The following RNASET2 variants were observed in gnomAD, a reference collection of about 807,000 sequenced individuals.
RNASET2 encodes the protein ribonuclease T2.
RNASET2 carries 28 observed loss-of-function variants against 33.9 expected under a neutral mutation model. The observed-to-expected ratio is 0.83, with a 90% CI of 0.61 to 1.13. RNASET2 has a LOEUF of 1.13. Among genes scored for constraint, RNASET2 ranks in the 50% most tolerant of loss-of-function variants. RNASET2 has a pLI of 0.00. For missense variants in RNASET2, 330 were observed against 319.9 expected, an observed-to-expected ratio of 1.03 and a Z score of -0.24; for synonymous variants, 123 against 121.0, an observed-to-expected ratio of 1.02 and a Z score of -0.11.
In RNASET2 at chr6:166,933,657, C is replaced by T. The variant is rs796169222; in HGVS notation, c.492+434G>A. 11 of 187,852 alleles carry T rather than the reference C, an allele frequency of 5.9e-5. 1 individual carries two copies. The South Asian group carries it at 1.1e-3, about 19-fold the overall frequency. The allele number at this position is 187,852 out of a possible 1,614,324, so 11.6% of individuals were successfully genotyped here. On this transcript the variant is annotated intron_variant, in intron 7 of 8. Transcript: ENST00000508775. This position sits in a 1 kb window ranked among gnomAD's most constrained non-coding sequence, Gnocchi z 4.1. ...GTGAGTCACCACACCTGGCAAAAAG[C>T]AACTTTTTGTATATGCTTACCAGCT...
In RNASET2 at chr6:166,923,858, T is replaced by C. The variant is rs1778268332; in HGVS notation, c.*5730A>G. On this transcript the variant is annotated 3_prime_UTR_variant, in exon 9 of 9. Transcript: ENST00000508775. Reference sequence around the variant, plus strand: ...CTAGAGCTTGTGAGGAAAAGTAGTATTTTAACTTCTGAGTCTTTTCCAGCC... The same window carrying C: ...CTAGAGCTTGTGAGGAAAAGTAGTACTTTAACTTCTGAGTCTTTTCCAGCC... 6.6e-6 allele frequency among the ~76,000 whole-genome samples: 1 copy of C among 152,244 alleles called. No individual in the cohort carries two copies. The highest frequency in any genetic ancestry group is 1.5e-5 in the Non-Finnish European group (1 of 68,036).
At chr6:166,939,330 CA>C (rs899646315) in intron 5 of RNASET2, among the ~76,000 whole-genome samples, 4 of 150,596 alleles carry the variant, frequency 2.7e-5, no homozygotes, top group African/African-American at 7.3e-5. Context: ...AACTCCATCT[CA>C]AAAAAAAAGT....
At chr6:166,940,880 A>G (rs3798303) in intron 5 of RNASET2, among the ~76,000 whole-genome samples, 26,649 of 151,658 alleles carry the variant, frequency 0.18, 2,906 homozygotes, top group East Asian at 0.41. Flanking sequence ...TCACCCACCC[A>G]CTGTCACCCA....
intron 2 of RNASET2, 72 bp downstream of exon 2, chr6:166,952,416 G>A (rs996888077): frequency 2.5e-5 from 34 of 1,345,172 alleles, no homozygotes; most frequent in African/African-American, 4.3e-5. Context: ...TGCCCTGGAC[G>A]GGCACGTGCA....
chr6:166,926,457 C>G lies in RNASET2; in HGVS notation c.*3131G>C, dbSNP rs1257748012. ...GCTGAGGCAGAAGAATTGCTTGAACCCAGGAGACAGAGGTTGCAGTGAGCC... is the reference window on the plus strand; with the variant it reads ...GCTGAGGCAGAAGAATTGCTTGAACGCAGGAGACAGAGGTTGCAGTGAGCC... On this transcript the variant is annotated 3_prime_UTR_variant, in exon 9 of 9. Coordinates refer to ENST00000508775, the MANE Select transcript of RNASET2 (RefSeq NM_003730.6). Among the ~76,000 whole-genome samples the G allele has an allele frequency of 1.3e-5, 2 of 151,208 alleles. No individual in the cohort carries two copies. The highest frequency in any genetic ancestry group is 2.9e-5 in the Non-Finnish European group (2 of 67,858).
rs1177878994 is a variant in RNASET2 at position 166,924,627 on chromosome 6, A to G, written c.*4961T>C. 6.6e-6 allele frequency among the ~76,000 whole-genome samples: 1 copy of G among 151,012 alleles called. No individual in the cohort carries two copies. The highest frequency in any genetic ancestry group is 2.0e-4 in the East Asian group (1 of 5,126). ...TTCCCTGGCCGCCTTCATAACTCTG[A>G]CCTCCTCCCTCCCTCCAACCTACCA... On this transcript the variant is annotated 3_prime_UTR_variant, in exon 9 of 9. Coordinates refer to ENST00000508775, the MANE Select transcript of RNASET2 (RefSeq NM_003730.6).
chr6:166,949,998 G>A (rs1462016510), intron 2 of RNASET2, among the ~76,000 whole-genome samples: 1 of 152,190 alleles, frequency 6.6e-6, no homozygotes, highest in Non-Finnish European at 1.5e-5. Context: ...TCCTTAACAA[G>A]GACATTTTGC....
chr6:166,939,741 A>G (rs962706022), intron 5 of RNASET2, among the ~76,000 whole-genome samples: 1 of 152,210 alleles, frequency 6.6e-6, no homozygotes, highest in African/African-American at 2.4e-5. Context: ...CCCATTTTCC[A>G]TTTCAGCTTC....
intron 1 of RNASET2, chr6:166,955,721 G>A: frequency 8.8e-7 from 1 of 1,134,274 alleles, no homozygotes; most frequent in Non-Finnish European, 1.1e-6. Flanking sequence ...CCCGGGGAGT[G>A]TTCAGGGCTC....
intron 3 of RNASET2, 188 bp downstream of exon 3, chr6:166,948,382 A>G (rs1474468489): frequency 1.5e-6 from 1 of 681,780 alleles, no homozygotes; most frequent in Admixed American, 2.2e-5. Context: ...TTCTATGAAG[A>G]CAGAATTAAA....
chr6:166,929,589 C>T lies in RNASET2; in HGVS notation c.770G>A (p.Ter257=). Residue 257 remains the stop codon, a stop_retained_variant, in exon 9 of 9, where the codon TGA becomes TAA. Transcript: ENST00000508775. ...FYPPPKKTKH[*] Reference sequence around the variant, plus strand: ...CAGAATATTTCCAAAACTTGGGCATCAATGCTTGGTCTTTTTAGGTGGGGG... The same window carrying T: ...CAGAATATTTCCAAAACTTGGGCATTAATGCTTGGTCTTTTTAGGTGGGGG... 1 of 1,614,064 alleles carries T rather than the reference C, an allele frequency of 6.2e-7. No homozygotes were observed. Among genetic ancestry groups the T allele is most frequent in the Non-Finnish European group, 8.5e-7 (1 of 1,179,932 alleles).
At chr6:166,931,009 G>A (rs1443342248) in intron 8 of RNASET2, 35 bp downstream of exon 8, 3 of 1,476,204 alleles carry the variant, frequency 2.0e-6, no homozygotes, top group Non-Finnish European at 2.8e-6. Context: ...CTGTCTTCTT[G>A]AGAAAAAAAG....
chr6:166,955,690 C>T (rs549932231), intron 1 of RNASET2: 9 of 1,082,354 alleles, frequency 8.3e-6, no homozygotes, highest in Non-Finnish European at 1.0e-5. Context: ...ACCCTACCCC[C>T]TACTCCTTCC....
intron 3 of RNASET2, 162 bp downstream of exon 3, chr6:166,948,408 G>C (rs1364800132): frequency 4.3e-6 from 3 of 702,228 alleles, no homozygotes; most frequent in African/African-American, 1.8e-5. Flanking sequence ...AGAGAATCAG[G>C]GTTCTGCTAG....
At chr6:166,939,044 G>A (rs775678499) in intron 5 of RNASET2, 36 bp from the exon 6 acceptor site, 1 of 1,496,122 alleles carries the variant, frequency 6.7e-7, no homozygotes, top group Non-Finnish European at 9.3e-7. Context: ...CTTAAAAGTA[G>A]TGAAACAGGC....
rs566572882 is a variant in RNASET2 at position 166,936,207 on chromosome 6, C to T, written c.447-2071G>A. On this transcript the variant is annotated intron_variant, in intron 6 of 8. Transcript: ENST00000508775. Reference sequence around the variant, plus strand: ...TACTCTCAGTAGTGCTTTGCCCTGGCAGGCCCTCAGTGAACATTTACTGAA... The same window carrying T: ...TACTCTCAGTAGTGCTTTGCCCTGGTAGGCCCTCAGTGAACATTTACTGAA... 4.6e-5 allele frequency among the ~76,000 whole-genome samples: 7 copies of T among 152,338 alleles called. No homozygotes were observed. The East Asian group carries it at 5.8e-4, about 13-fold the overall frequency.
At chr6:166,938,713 C>A in intron 6 of RNASET2, 182 bp downstream of exon 6, 1 of 770,896 alleles carries the variant, frequency 1.3e-6, no homozygotes, top group Non-Finnish European at 2.4e-6. Context: ...GTAGAATGAT[C>A]TGGAAAGGCT....
chr6:166,938,238 G>A (rs949572093), intron 6 of RNASET2, among the ~76,000 whole-genome samples: 13 of 152,066 alleles, frequency 8.5e-5, no homozygotes, highest in Admixed American at 3.9e-4. Flanking sequence ...CAGCTAAGAC[G>A]CTGACACCCT....
At chr6:166,952,768 C>T (rs761095018) in intron 1 of RNASET2, 11 of 537,334 alleles carry the variant, frequency 2.0e-5, no homozygotes, top group Non-Finnish European at 3.1e-5. Flanking sequence ...TGGCGGAGAA[C>T]ATGAATAGGA....
Sources: allele counts gnomAD v4.1 joint callset (sites outside exome capture counted in the v4.1 genomes callset), GRCh38; gene constraint gnomAD v4.1.1; non-coding constraint Gnocchi (gnomAD v3.1); transcripts MANE v1.5; gene names NCBI Gene and HGNC (gene_info 2026-07-23, HGNC 2026-07-21).